Variants in EPHA6 observed in about 807,000 individuals in gnomAD.
EPHA6 encodes the protein EPH receptor A6.
Under a neutral mutation model 112.0 loss-of-function variants are expected in EPHA6, and 50 were observed. That is an observed-to-expected ratio of 0.45 (90% CI 0.36 to 0.56). EPHA6 has a LOEUF of 0.56. EPHA6 is among the 20% of genes least tolerant of loss of function. EPHA6 has a pLI of 0.00. For synonymous variants in EPHA6, 529 were observed against 490.7 expected (o/e 1.08, Z -1.03); for missense variants, 1,280 against 1,417.4 (o/e 0.90, Z 1.56).
intron 3 of EPHA6, among the ~76,000 whole-genome samples, chr3:97,036,056 A>G (rs1338553543): frequency 6.6e-6 from 1 of 152,002 alleles, no homozygotes; most frequent in Non-Finnish European, 1.5e-5. Flanking sequence ...ATTTATGAAC[A>G]AGGAAGCAGG....
intron 14 of EPHA6, among the ~76,000 whole-genome samples, chr3:97,708,245 G>A (rs938199250): frequency 1.3e-5 from 2 of 152,238 alleles, no homozygotes; most frequent in Non-Finnish European, 2.9e-5. Flanking sequence ...CTCAGATGGA[G>A]ATGAGGAACT....
At chr3:96,932,875 C>T (rs568687540) in intron 2 of EPHA6, among the ~76,000 whole-genome samples, 5 of 151,950 alleles carry the variant, frequency 3.3e-5, no homozygotes, top group African/African-American at 9.7e-5. Flanking sequence ...ACATGCAAAA[C>T]GATTTATCTG....
At chr3:97,010,984 G>C (rs1372702837) in intron 3 of EPHA6, among the ~76,000 whole-genome samples, 1 of 152,216 alleles carries the variant, frequency 6.6e-6, no homozygotes, top group African/African-American at 2.4e-5. Flanking sequence ...TGGTGCGTGT[G>C]TGTGTGTGTA....
chr3:97,140,014 GTGTC>G lies in EPHA6; in HGVS notation c.1115-86247_1115-86244del, dbSNP rs2075860074. On this transcript the variant is annotated intron_variant, in intron 3 of 17. Coordinates refer to ENST00000389672, the MANE Select transcript of EPHA6 (RefSeq NM_001080448.3). The stretch of plus-strand genomic sequence containing the variant: ...TGAGATAGCTGTTAAAAAAAAGAGA[GTGTC>G]TGGAAATGAAAAATTCACTGAGGGA... 4.6e-5 allele frequency among the ~76,000 whole-genome samples: 7 copies of G among 152,108 alleles called. No homozygotes were observed. The South Asian group carries it at 1.4e-3, about 32-fold the overall frequency.
intron 5 of EPHA6, among the ~76,000 whole-genome samples, chr3:97,298,673 T>A (rs985774778): frequency 6.6e-6 from 1 of 152,110 alleles, no homozygotes; most frequent in Non-Finnish European, 1.5e-5. Flanking sequence ...AAAAGAAATA[T>A]TATTTAGTTA....
intron 6 of EPHA6, among the ~76,000 whole-genome samples, chr3:97,405,929 TTC>T (rs1423558391): frequency 1.3e-5 from 2 of 152,118 alleles, no homozygotes; most frequent in South Asian, 4.1e-4. Flanking sequence ...TTATGCATTT[TTC>T]TCTCATTCCT....
At chr3:97,616,908 T>C (rs893209722) in intron 13 of EPHA6, among the ~76,000 whole-genome samples, 9 of 152,072 alleles carry the variant, frequency 5.9e-5, no homozygotes, top group Non-Finnish European at 8.8e-5. Flanking sequence ...CAGGCCAACA[T>C]TCAAATTCAG....
intron 14 of EPHA6, among the ~76,000 whole-genome samples, chr3:97,678,746 A>T (rs1271930895): frequency 6.6e-6 from 1 of 152,210 alleles, no homozygotes; most frequent in Non-Finnish European, 1.5e-5. Context: ...GCTATTTGAT[A>T]TACAAAAATT....
In EPHA6 at chr3:97,693,232, AACCAGGGAAAAC is replaced by A. The variant is rs1488464572; in HGVS notation, c.2785-27026_2785-27015del. Among the ~76,000 whole-genome samples, 3 of 152,190 alleles carry A rather than the reference AACCAGGGAAAAC, an allele frequency of 2.0e-5. No individual in the cohort carries two copies. In the East Asian group the frequency reaches 5.8e-4, roughly 29 times the overall value. ...GGGTACCTCATCATTTAAATTAGGC[AACCAGGGAAAAC>A]ACTGAGGATCATCACCTGAACAGGA... On this transcript the variant is annotated intron_variant, in intron 14 of 17. Transcript: ENST00000389672.
At chr3:97,644,255 A>G (rs1423109950) in intron 14 of EPHA6, among the ~76,000 whole-genome samples, 6 of 151,378 alleles carry the variant, frequency 4.0e-5, no homozygotes, top group African/African-American at 1.5e-4. Flanking sequence ...ACAAAGACAC[A>G]ACATACCAGA....
chr3:96,856,073 T>G (rs1363187100), intron 1 of EPHA6, among the ~76,000 whole-genome samples: 1 of 151,928 alleles, frequency 6.6e-6, no homozygotes, highest in Non-Finnish European at 1.5e-5. Context: ...ACCCCATCTC[T>G]AGAAAAAAGT....
intron 7 of EPHA6, among the ~76,000 whole-genome samples, chr3:97,455,265 G>A (rs1219897301): frequency 6.6e-6 from 1 of 151,992 alleles, no homozygotes; most frequent in African/African-American, 2.4e-5. Context: ...TTCTAATTAT[G>A]TTCCAATCAC....
intron 2 of EPHA6, among the ~76,000 whole-genome samples, chr3:96,967,325 AATT>A (rs1260227516): frequency 1.3e-5 from 2 of 150,676 alleles, no homozygotes; most frequent in East Asian, 1.9e-4. Flanking sequence ...ATGTTTTAAA[AATT>A]ATTATAGTTT....
intron 3 of EPHA6, among the ~76,000 whole-genome samples, chr3:97,101,690 G>T (rs1396336303): frequency 6.6e-6 from 1 of 151,984 alleles, no homozygotes; most frequent in African/African-American, 2.4e-5. Flanking sequence ...GATCTAAATA[G>T]ACATTTTACT....
At chr3:97,229,291 A>G (rs2078452471) in intron 4 of EPHA6, among the ~76,000 whole-genome samples, 1 of 152,130 alleles carries the variant, frequency 6.6e-6, no homozygotes, top group South Asian at 2.1e-4. Context: ...AACTCTTTGC[A>G]TAAGCCAATG....
chr3:97,044,733 A>G (rs1447534225), intron 3 of EPHA6, among the ~76,000 whole-genome samples: 2 of 152,116 alleles, frequency 1.3e-5, no homozygotes, highest in Non-Finnish European at 2.9e-5. Flanking sequence ...AAATCTCTGG[A>G]TTTGTATGCG....
intron 5 of EPHA6, among the ~76,000 whole-genome samples, chr3:97,248,726 A>C (rs936984872): frequency 6.6e-6 from 1 of 152,094 alleles, no homozygotes; most frequent in Non-Finnish European, 1.5e-5. Flanking sequence ...TGCAGATTTC[A>C]TGTACCTACT....
intron 11 of EPHA6, among the ~76,000 whole-genome samples, chr3:97,551,879 A>C (rs535077297): frequency 6.6e-6 from 1 of 152,296 alleles, no homozygotes; most frequent in African/African-American, 2.4e-5. Flanking sequence ...GGACTTGAGC[A>C]AAGAAAAAGG....
chr3:97,470,055 A>G (rs2091180901), intron 7 of EPHA6, among the ~76,000 whole-genome samples: 2 of 151,846 alleles, frequency 1.3e-5, no homozygotes, highest in Non-Finnish European at 3.0e-5. Context: ...ATGTTCATCT[A>G]GAAGATATGT....
Sources: allele counts gnomAD v4.1 joint callset (sites outside exome capture counted in the v4.1 genomes callset), GRCh38; gene constraint gnomAD v4.1.1; transcripts MANE v1.5; gene names NCBI Gene and HGNC (gene_info 2026-07-23, HGNC 2026-07-21).